SAMMSON: variants seen among roughly 807,000 people sequenced by gnomAD.
SAMMSON encodes long intergenic non-protein coding RNA 1212.
At chr3:70,220,217 G>T (rs555636815) in intron 4 of SAMMSON, among the ~76,000 whole-genome samples, 1 of 152,110 alleles carries the variant, frequency 6.6e-6, no homozygotes, top group Non-Finnish European at 1.5e-5. Context: ...TGTCTTTTCT[G>T]TGTGAGAGTA....
rs114174197 is a variant in SAMMSON, at chr3:70,193,354, C to T, written n.508-55753C>T. Among the ~76,000 whole-genome samples the T allele has an allele frequency of 3.3e-3, 497 of 152,250 alleles. 4 individuals carry two copies. Among genetic ancestry groups the T allele is most frequent in the African/African-American group, 0.012 (482 of 41,548 alleles). On this transcript the variant is annotated intron_variant and non_coding_transcript_variant, in intron 4 of 9. Transcript: ENST00000642114. ...TGTCACCCAGGCTGGAATGCAGTGGCGTAATCATGGCTCTCTGTATCCTCG... is the reference window on the plus strand; with the variant it reads ...TGTCACCCAGGCTGGAATGCAGTGGTGTAATCATGGCTCTCTGTATCCTCG...
chr3:70,012,912 C>A (rs918604878), intron 2 of SAMMSON, among the ~76,000 whole-genome samples: 1 of 152,012 alleles, frequency 6.6e-6, no homozygotes, highest in Admixed American at 6.6e-5. Flanking sequence ...AAGGAAGCAC[C>A]GTTCTTCCTT....
At chr3:70,081,057 C>G (rs1159009476) in intron 4 of SAMMSON, among the ~76,000 whole-genome samples, 3 of 152,168 alleles carry the variant, frequency 2.0e-5, no homozygotes, top group African/African-American at 7.2e-5. Flanking sequence ...TTCATTGATA[C>G]TGTCACCATC....
intron 7 of SAMMSON, among the ~76,000 whole-genome samples, chr3:70,314,406 C>T (rs908048630): frequency 1.1e-4 from 16 of 152,116 alleles, no homozygotes; most frequent in Non-Finnish European, 1.6e-4. Context: ...GTCACTTCCT[C>T]GGGCATTTGG....
At chr3:70,336,814 T>G (rs911635892) in intron 7 of SAMMSON, among the ~76,000 whole-genome samples, 1 of 126,656 alleles carries the variant, frequency 7.9e-6, no homozygotes, top group Non-Finnish European at 1.7e-5. Flanking sequence ...AATAGAAAGT[T>G]TGTGTGTGTG....
At chr3:70,023,460 C>CAA (rs34244262) in intron 3 of SAMMSON, among the ~76,000 whole-genome samples, 2 of 132,056 alleles carry the variant, frequency 1.5e-5, no homozygotes, top group Non-Finnish European at 3.3e-5. Context: ...GACTCTGTCT[C>CAA]AAAAAAAAAA....
At chr3:70,005,948 T>G (rs963515407) in intron 1 of SAMMSON, among the ~76,000 whole-genome samples, 1 of 152,182 alleles carries the variant, frequency 6.6e-6, no homozygotes, top group East Asian at 1.9e-4. Flanking sequence ...TGCTTCATAA[T>G]CAAGAATTCA....
intron 9 of SAMMSON, among the ~76,000 whole-genome samples, chr3:70,386,703 T>C (rs1027079894): frequency 1.3e-5 from 2 of 152,102 alleles, no homozygotes; most frequent in African/African-American, 4.8e-5. Context: ...CTAATTTCCC[T>C]TATAAAGTTC....
At chr3:70,133,026 T>C (rs2067489017) in intron 4 of SAMMSON, among the ~76,000 whole-genome samples, 1 of 152,088 alleles carries the variant, frequency 6.6e-6, no homozygotes, top group South Asian at 2.1e-4. Context: ...GTGATTATAA[T>C]ACTATATTAT....
intron 4 of SAMMSON, among the ~76,000 whole-genome samples, chr3:70,218,397 G>C (rs770861979): frequency 3.9e-5 from 6 of 152,066 alleles, no homozygotes; most frequent in African/African-American, 1.4e-4. Context: ...TACTAGTAAA[G>C]GTTTATAAGC....
At chr3:70,063,063 G>C (rs556463599) in intron 3 of SAMMSON, among the ~76,000 whole-genome samples, 1 of 151,994 alleles carries the variant, frequency 6.6e-6, no homozygotes, top group African/African-American at 2.4e-5. Flanking sequence ...TGTCTGCAGG[G>C]ACCCTCTTCC....
chr3:70,324,018 G>C (rs754953256), intron 7 of SAMMSON, among the ~76,000 whole-genome samples: 1 of 151,982 alleles, frequency 6.6e-6, no homozygotes, highest in Non-Finnish European at 1.5e-5. Flanking sequence ...ACATTCATTC[G>C]TCCCTTCCTG....
intron 4 of SAMMSON, among the ~76,000 whole-genome samples, chr3:70,195,214 A>AT (rs922624190): frequency 4.0e-4 from 60 of 151,292 alleles, no homozygotes; most frequent in African/African-American, 8.7e-4. Context: ...CTAGGAATCT[A>AT]TTTTTTTTTC....
At chr3:70,214,255 C>T (rs573388635) in intron 4 of SAMMSON, among the ~76,000 whole-genome samples, 5 of 152,168 alleles carry the variant, frequency 3.3e-5, no homozygotes, top group Non-Finnish European at 7.4e-5. Flanking sequence ...GGTTGGAAGA[C>T]GTCCTTTAAA....
intron 4 of SAMMSON, among the ~76,000 whole-genome samples, chr3:70,114,741 A>C (rs748541894): frequency 6.6e-6 from 1 of 152,220 alleles, no homozygotes; most frequent in Non-Finnish European, 1.5e-5. Context: ...GAGATGATAC[A>C]CAGTGAATCT....
intron 4 of SAMMSON, among the ~76,000 whole-genome samples, chr3:70,246,026 A>AAT (rs1172642628): frequency 1.3e-5 from 2 of 151,784 alleles, no homozygotes; most frequent in African/African-American, 4.8e-5. Flanking sequence ...TGCATTGTTA[A>AAT]ATATATATAT....
chr3:70,021,407 T>C lies in SAMMSON; in HGVS notation n.417+7735T>C, dbSNP rs149844241. On this transcript the variant is annotated intron_variant and non_coding_transcript_variant, in intron 3 of 9. Coordinates refer to ENST00000642114, the Ensembl canonical transcript of SAMMSON. The stretch of plus-strand genomic sequence containing the variant: ...ATAACTGTTTACCTATTTTTAGACA[T>C]TTTAGTCAATGAAAATGATGAAGTT... Among the ~76,000 whole-genome samples, 314 of 152,312 alleles carry C rather than the reference T, an allele frequency of 2.1e-3. 2 individuals are homozygous for C. Among genetic ancestry groups the C allele is most frequent in the African/African-American group, 7.3e-3 (303 of 41,560 alleles).
At chr3:70,094,106 C>T (rs772027242) in intron 4 of SAMMSON, among the ~76,000 whole-genome samples, 12 of 152,144 alleles carry the variant, frequency 7.9e-5, no homozygotes, top group Non-Finnish European at 1.3e-4. Flanking sequence ...AGATTGTGCA[C>T]GGCTGAAACC....
intron 6 of SAMMSON, among the ~76,000 whole-genome samples, chr3:70,253,408 G>A (rs546567086): frequency 6.6e-6 from 1 of 152,328 alleles, no homozygotes; most frequent in Non-Finnish European, 1.5e-5. Flanking sequence ...AAGAGTTGTA[G>A]AATACCAGAG....
Sources: gnomAD v4.1 joint callset for allele counts (sites outside exome capture counted in the v4.1 genomes callset) on GRCh38, gnomAD v4.1.1 for gene constraint, MANE v1.5 for transcripts, NCBI Gene and HGNC (gene_info 2026-07-23, HGNC 2026-07-21) for gene names.